OR9Q1: variants seen among roughly 807,000 people sequenced by gnomAD.
The protein encoded by OR9Q1 is olfactory receptor 9Q1.
For synonymous variants in OR9Q1, 153 were observed against 148.6 expected, an observed-to-expected ratio of 1.03 and a Z score of -0.22; for missense variants, 374 against 378.8, an observed-to-expected ratio of 0.99 and a Z score of 0.11.
chr11:58,074,998 G>T (rs573677148), intron 2 of OR9Q1, among the ~76,000 whole-genome samples: 2 of 152,206 alleles, frequency 1.3e-5, no homozygotes, highest in Admixed American at 1.3e-4. Context: ...ATGCTGTTTT[G>T]GTTACTGTAG....
At chr11:58,079,170 C>T (rs1218493012) in intron 2 of OR9Q1, among the ~76,000 whole-genome samples, 1 of 152,044 alleles carries the variant, frequency 6.6e-6, no homozygotes. Flanking sequence ...CTAGAGACTA[C>T]AGCAGAAGGA....
intron 2 of OR9Q1, among the ~76,000 whole-genome samples, chr11:58,093,759 CAA>C (rs71061572): frequency 5.6e-5 from 2 of 35,562 alleles, no homozygotes; most frequent in Admixed American, 3.3e-4. Context: ...GACTTCATCT[CAA>C]AAAAAAAAAA....
intron 1 of OR9Q1, among the ~76,000 whole-genome samples, chr11:58,046,152 A>G (rs1853214196): frequency 6.6e-6 from 1 of 152,214 alleles, no homozygotes; most frequent in Non-Finnish European, 1.5e-5. Context: ...GGGCTGCGAG[A>G]TACCTGAAAC....
At chr11:58,118,713 G>T (rs766141288) in intron 2 of OR9Q1, 2 of 1,614,096 alleles carry the variant, frequency 1.2e-6, no homozygotes, top group Non-Finnish European at 1.7e-6. Context: ...CAGCAGTGAT[G>T]TGAGAGGCAC....
At chr11:58,079,201 G>T (rs148483365) in intron 2 of OR9Q1, among the ~76,000 whole-genome samples, 5 of 152,150 alleles carry the variant, frequency 3.3e-5, no homozygotes, top group African/African-American at 4.8e-5. Flanking sequence ...CTTTGCTTTG[G>T]TGTACCACCG....
chr11:58,110,723 T>C (rs1269977039), intron 2 of OR9Q1, among the ~76,000 whole-genome samples: 1 of 152,208 alleles, frequency 6.6e-6, no homozygotes, highest in Non-Finnish European at 1.5e-5. Context: ...AATTGTTACC[T>C]CTGTACTCTA....
chr11:58,156,339 T>C (rs1328846911), intron 2 of OR9Q1, among the ~76,000 whole-genome samples: 1 of 152,200 alleles, frequency 6.6e-6, no homozygotes, highest in African/African-American at 2.4e-5. Flanking sequence ...CTGCCACTCA[T>C]GAGCAGAACC....
chr11:58,170,849 G>A (rs542838829), intron 2 of OR9Q1, among the ~76,000 whole-genome samples: 2 of 152,140 alleles, frequency 1.3e-5, no homozygotes, highest in South Asian at 4.1e-4. Flanking sequence ...AAATTACCCG[G>A]TCTTAGGTAT....
chr11:58,099,979 T>C (rs1055736123), intron 2 of OR9Q1, among the ~76,000 whole-genome samples: 3 of 152,200 alleles, frequency 2.0e-5, no homozygotes, highest in Non-Finnish European at 4.4e-5. Flanking sequence ...ACACACTTAT[T>C]GACTCGTAAT....
At chr11:58,065,431 A>G (rs530350933) in intron 2 of OR9Q1, among the ~76,000 whole-genome samples, 32 of 149,754 alleles carry the variant, frequency 2.1e-4, no homozygotes, top group Admixed American at 6.6e-4. Flanking sequence ...AGGAAGAAAT[A>G]AGACAGACGT....
chr11:58,131,430 TAA>T (rs1313379420), intron 2 of OR9Q1, among the ~76,000 whole-genome samples: 1 of 152,160 alleles, frequency 6.6e-6, no homozygotes, highest in East Asian at 1.9e-4. Flanking sequence ...TCTTTATTAA[TAA>T]GTCTTCTAAA....
intron 2 of OR9Q1, among the ~76,000 whole-genome samples, chr11:58,096,027 A>ATT (rs1249495020): frequency 6.6e-6 from 1 of 152,176 alleles, no homozygotes; most frequent in African/African-American, 2.4e-5. Flanking sequence ...TGTTACATTG[A>ATT]CTGGAATGCC....
chr11:58,058,308 T>G (rs1159547873), intron 2 of OR9Q1, among the ~76,000 whole-genome samples: 1 of 152,194 alleles, frequency 6.6e-6, no homozygotes, highest in Non-Finnish European at 1.5e-5. Context: ...AGTGGTCATG[T>G]TCTCCAGCCC....
intron 2 of OR9Q1, chr11:58,125,247 C>CA: frequency 8.8e-6 from 1 of 113,120 alleles, no homozygotes; most frequent in Admixed American, 1.1e-4. Context: ...CCGCCCCCCC[C>CA]CCAAAAAAAA....
chr11:58,094,236 A>T (rs1853710509), intron 2 of OR9Q1, among the ~76,000 whole-genome samples: 1 of 152,198 alleles, frequency 6.6e-6, no homozygotes, highest in Non-Finnish European at 1.5e-5. Context: ...TGGGAGATAA[A>T]TAATGTGTAC....
intron 2 of OR9Q1, among the ~76,000 whole-genome samples, chr11:58,141,618 T>A (rs1199161677): frequency 6.6e-6 from 1 of 152,182 alleles, no homozygotes; most frequent in Non-Finnish European, 1.5e-5. Flanking sequence ...GGATTCGGTT[T>A]GCCAGTGTTT....
Position 58,179,623 on chromosome 11 carries a change from A to G in OR9Q1, c.179A>G (p.Tyr60Cys), listed in dbSNP as rs867668946. 3 of 1,613,042 alleles carry G rather than the reference A, an allele frequency of 1.9e-6. No individual in the cohort carries two copies. Among genetic ancestry groups the G allele is most frequent in the Middle Eastern group, 3.3e-4 (2 of 6,080 alleles). The change falls in exon 3 of 3, where the codon TAT becomes TGT. Residue 60 changes from tyrosine to cysteine, a missense_variant. Coordinates refer to ENST00000335397, the MANE Select transcript of OR9Q1 (RefSeq NM_001005212.4). ...LMDHQLHAPM[Y>C]FLLSHLAFMD... ...GATCACCAGCTCCACGCTCCAATGT[A>G]TTTCCTTCTGAGTCACCTCGCTTTC...
chr11:58,133,760 GT>G (rs1405696824), intron 2 of OR9Q1, among the ~76,000 whole-genome samples: 1 of 152,208 alleles, frequency 6.6e-6, no homozygotes, highest in Non-Finnish European at 1.5e-5. Context: ...ATGCTGGCAG[GT>G]GTTGGGAATG....
intron 2 of OR9Q1, among the ~76,000 whole-genome samples, chr11:58,157,231 C>G (rs536975931): frequency 6.6e-6 from 1 of 152,168 alleles, no homozygotes; most frequent in Admixed American, 6.5e-5. Flanking sequence ...CGTCTACTCA[C>G]TTTCCTACCA....
Sources: gnomAD v4.1 joint callset for allele counts (sites outside exome capture counted in the v4.1 genomes callset) on GRCh38, gnomAD v4.1.1 for gene constraint, MANE v1.5 for transcripts, NCBI Gene and HGNC (gene_info 2026-07-23, HGNC 2026-07-21) for gene names.